TUBD1: variants seen among roughly 807,000 people sequenced by gnomAD.
TUBD1 encodes tubulin delta chain.
TUBD1 carries 38 observed loss-of-function variants against 51.2 expected under a neutral mutation model. The ratio of observed to expected loss-of-function variants is 0.74; its 90% confidence interval spans 0.57 to 0.97. The LOEUF is 0.97. Ranked by LOEUF, TUBD1 falls within the 50% of genes least tolerant of loss-of-function variation. The pLI, the probability that TUBD1 is intolerant of heterozygous loss-of-function variation, is 0.00. For missense variants in TUBD1, 489 were observed against 538.4 expected, an observed-to-expected ratio of 0.91 and a Z score of 0.91; for synonymous variants, 169 against 178.2, an observed-to-expected ratio of 0.95 and a Z score of 0.41.
Position 59,879,122 on chromosome 17 carries a change from C to T in TUBD1, c.538-788G>A, listed in dbSNP as rs117068614. 3.7e-4 allele frequency among the ~76,000 whole-genome samples: 57 copies of T among 152,006 alleles called. 1 individual carries two copies. In the East Asian group the frequency reaches 9.8e-3, roughly 26 times the overall value. On this transcript the variant is annotated intron_variant, in intron 4 of 8. Coordinates refer to ENST00000325752, the MANE Select transcript of TUBD1 (RefSeq NM_016261.4). ...AAACCCCCCACCTCTACTAAAAATA[C>T]AAAATTAGCCGAGCGCATGCCTGTA...
chr17:59,877,710 A>G (rs1292048), intron 5 of TUBD1, among the ~76,000 whole-genome samples: 70,343 of 151,150 alleles, frequency 0.47, 16,465 homozygotes, highest in East Asian at 0.56. Context: ...CCCAGGAGGC[A>G]GAGGTTGCAG....
chr17:59,889,994 C>G (rs1176964903), intron 2 of TUBD1, among the ~76,000 whole-genome samples: 4 of 145,852 alleles, frequency 2.7e-5, no homozygotes, highest in African/African-American at 1.0e-4. Flanking sequence ...AAAAGAGAGA[C>G]AGAGAAAAGA....
chr17:59,860,655 C>T (rs368917204), intron 8 of TUBD1, among the ~76,000 whole-genome samples: 18 of 151,522 alleles, frequency 1.2e-4, no homozygotes, highest in East Asian at 7.8e-4. Context: ...GGCATGATCT[C>T]GGCTCACTGC....
At chr17:59,866,974 T>C (rs190427710) in intron 6 of TUBD1, among the ~76,000 whole-genome samples, 2 of 152,156 alleles carry the variant, frequency 1.3e-5, no homozygotes, top group East Asian at 3.9e-4. Context: ...TTTGTATTTT[T>C]AGTAGAGACG....
intron 3 of TUBD1, among the ~76,000 whole-genome samples, chr17:59,883,962 C>G (rs2040599797): frequency 1.3e-5 from 2 of 152,028 alleles, no homozygotes; most frequent in Admixed American, 1.3e-4. Context: ...CAGTGGTTCT[C>G]AAACTGTGCT....
intron 7 of TUBD1, 49 bp from the exon 8 acceptor site, chr17:59,863,896 T>G (rs768022355): frequency 6.8e-6 from 9 of 1,324,442 alleles, no homozygotes; most frequent in Non-Finnish European, 8.9e-6. Context: ...AAATTAGTAA[T>G]TGTGAAAACA....
At chr17:59,883,657 C>G (rs952973218) in intron 3 of TUBD1, among the ~76,000 whole-genome samples, 82 of 152,252 alleles carry the variant, frequency 5.4e-4, no homozygotes, top group African/African-American at 1.9e-3. Context: ...CCACCTTGGC[C>G]TCCCAAAGTG....
Position 59,891,059 on chromosome 17 carries a change from A to G in TUBD1, c.-39-18T>C, listed in dbSNP as rs773656717. On this transcript the variant is annotated intron_variant, in intron 1 of 8. Transcript: ENST00000325752. The stretch of plus-strand genomic sequence containing the variant: ...AAAACAACCTGTAATCGAAAAAAAT[A>G]CGCTTTGAGAACCACTACATTACTA... 2.2e-6 allele frequency: 3 copies of G among 1,366,110 alleles called. No individual in the cohort carries two copies. The East Asian group carries it at 7.0e-5, about 32-fold the overall frequency. The allele number at this position is 1,366,110 out of a possible 1,614,324, so 84.6% of individuals were successfully genotyped here.
At chr17:59,869,782 A>G (rs2039894751) in intron 6 of TUBD1, among the ~76,000 whole-genome samples, 1 of 152,238 alleles carries the variant, frequency 6.6e-6, no homozygotes, top group Non-Finnish European at 1.5e-5. Context: ...CTCTCATAGT[A>G]TAAAAGCCTA....
chr17:59,878,350 T>C lies in TUBD1; in HGVS notation c.538-16A>G. On this transcript the variant is annotated splice_polypyrimidine_tract_variant and intron_variant, in intron 4 of 8. Coordinates refer to ENST00000325752, the MANE Select transcript of TUBD1 (RefSeq NM_016261.4). The stretch of plus-strand genomic sequence containing the variant: ...GAACAATAACCTGGAGAGGAAAAGG[T>C]CAGAAAAAAGAAAGGTAGGAGAGAA... The C allele has an allele frequency of 6.3e-7, 1 of 1,575,850 alleles. No homozygotes were observed. The highest frequency in any genetic ancestry group is 8.7e-7 in the Non-Finnish European group (1 of 1,146,648).
rs1404037992 is a variant in TUBD1, at chr17:59,885,627, C to T, written c.320+456G>A. On this transcript the variant is annotated intron_variant, in intron 3 of 8. Coordinates refer to ENST00000325752, the MANE Select transcript of TUBD1 (RefSeq NM_016261.4). ...CCTAGAAATTTAACCTTAATGAAATCCCTAATAAAACTCAGTGCTGTGGTT... is the reference window on the plus strand; with the variant it reads ...CCTAGAAATTTAACCTTAATGAAATTCCTAATAAAACTCAGTGCTGTGGTT... The T allele has an allele frequency of 6.1e-6, 5 of 818,144 alleles. No homozygotes were observed. The African/African-American group carries it at 8.6e-5, about 14-fold the overall frequency. 50.7% of individuals were successfully genotyped at this position (818,144 alleles called of 1,614,324 possible).
At chr17:59,874,319 AT>A (rs1382527924) in intron 6 of TUBD1, among the ~76,000 whole-genome samples, 2 of 152,114 alleles carry the variant, frequency 1.3e-5, no homozygotes, top group Non-Finnish European at 2.9e-5. Flanking sequence ...TAAAATAAAA[AT>A]TTAAAAAAAA....
In TUBD1 at chr17:59,892,899, T is replaced by C. The variant is rs1251772274; in HGVS notation, c.-242A>G. On this transcript the variant is annotated 5_prime_UTR_variant, in exon 1 of 9. Coordinates refer to ENST00000325752, the MANE Select transcript of TUBD1 (RefSeq NM_016261.4). ...AATTTCAATTTACGAACTTCAGATA[T>C]GGTACGCATGCTCACTGTCCACCGA... 15 of 429,048 alleles carry C rather than the reference T, an allele frequency of 3.5e-5. No individual in the cohort carries two copies. The highest frequency in any genetic ancestry group is 7.8e-5 in the African/African-American group (4 of 51,250). 26.6% of individuals were successfully genotyped at this position (429,048 alleles called of 1,614,324 possible).
At chr17:59,881,923 C>T (rs2040506928) in intron 3 of TUBD1, among the ~76,000 whole-genome samples, 1 of 152,102 alleles carries the variant, frequency 6.6e-6, no homozygotes, top group African/African-American at 2.4e-5. Context: ...CCTGCCTCAA[C>T]CTCCCAAAGT....
intron 3 of TUBD1, among the ~76,000 whole-genome samples, chr17:59,884,050 T>C (rs1255696153): frequency 6.6e-6 from 1 of 150,974 alleles, no homozygotes; most frequent in Non-Finnish European, 1.5e-5. Flanking sequence ...CATTTGAAGT[T>C]AGGAGTTTGA....
Position 59,881,019 on chromosome 17 carries a change from T to A in TUBD1, c.412A>T (p.Ile138Phe). Residue 138 changes from isoleucine to phenylalanine, a missense_variant, in exon 4 of 9, where the codon ATC becomes TTC. Transcript: ENST00000325752. Reference protein sequence around the residue: ...EKCDSFSGFFIIMSMAGGTGS... With the variant: ...EKCDSFSGFFFIMSMAGGTGS... ...GTGCCCCCAGCCATACTCATTATGA[T>A]GAAAAAACCACTGAAAGAGTCACAT... 6.2e-7 allele frequency: 1 copy of A among 1,614,180 alleles called. No homozygotes were observed. The highest frequency in any genetic ancestry group is 8.5e-7 in the Non-Finnish European group (1 of 1,180,012).
chr17:59,863,719 A>C lies in TUBD1; in HGVS notation c.1204T>G (p.Leu402Val), dbSNP rs2039570258. ...ACAATCATATCAAGTGGTTTTACTA[A>C]GAACTGGCTGTTGCTGACCAACACT... ...SAVLVSNSQFLVKPLDMIVGK... is the reference protein window; with the variant it reads ...SAVLVSNSQFVVKPLDMIVGK... The change falls in exon 8 of 9, where the codon TTA (leucine) becomes GTA (valine). Residue 402 changes from leucine (L) to valine (V), a missense_variant. Leu to Val is a conservative substitution (Grantham distance 32). Transcript: ENST00000325752. 6.2e-7 allele frequency: 1 copy of C among 1,604,200 alleles called. No homozygotes were observed.
In TUBD1 at chr17:59,866,662, GAA is replaced by G; in HGVS notation, c.1020_1021del (p.Ser341HisfsTer3). The G allele has an allele frequency of 6.2e-7, 1 of 1,614,042 alleles. No individual in the cohort carries two copies. The highest frequency in any genetic ancestry group is 8.5e-7 in the Non-Finnish European group (1 of 1,179,988). ...ACGAAGAATGACCAAGTTAGCAATG[GAA>G]GTGTTAAAATGCAGGTCCTTGTTGA... On this transcript the variant is annotated frameshift_variant, in exon 7 of 9. Transcript: ENST00000325752. LOFTEE classifies it high-confidence loss of function.
intron 1 of TUBD1, among the ~76,000 whole-genome samples, 183 bp from the exon 2 acceptor site, chr17:59,891,224 A>G (rs2040998512): frequency 6.6e-6 from 1 of 152,034 alleles, no homozygotes; most frequent in South Asian, 2.1e-4. Context: ...TCCGCCTCCC[A>G]GGTTCAAGCG....
Sources: allele counts gnomAD v4.1 joint callset (sites outside exome capture counted in the v4.1 genomes callset), GRCh38; gene constraint gnomAD v4.1.1; transcripts MANE v1.5; gene names NCBI Gene and HGNC (gene_info 2026-07-23, HGNC 2026-07-21).